Variants in MYO16 observed in about 807,000 individuals in gnomAD.
The protein encoded by MYO16 is unconventional myosin-XVI.
Under a neutral mutation model 205.3 loss-of-function variants are expected in MYO16, and 94 were observed. The observed-to-expected ratio is 0.46, with a 90% CI of 0.39 to 0.54. The LOEUF (loss-of-function observed/expected upper bound fraction) is 0.54, where lower values mean the gene tolerates loss of function less well. MYO16 is among the 20% of genes least tolerant of loss of function. The pLI is 0.00. For synonymous variants in MYO16, 988 were observed against 954.0 expected (o/e 1.04, Z -0.66); for missense variants, 2,315 against 2,387.5 (o/e 0.97, Z 0.63).
intron 20 of MYO16, among the ~76,000 whole-genome samples, chr13:108,990,615 T>G (rs1428543116): frequency 6.6e-6 from 1 of 152,206 alleles, no homozygotes; most frequent in Non-Finnish European, 1.5e-5. Context: ...GTTATAAAGC[T>G]ATTTTTATTC....
chr13:108,595,228 A>C (rs1255791274), upstream of MYO16, among the ~76,000 whole-genome samples: 1 of 152,188 alleles, frequency 6.6e-6, no homozygotes, highest in Admixed American at 6.5e-5. Context: ...GAAGCCTGGA[A>C]TATCCAGATT....
At chr13:108,643,256 A>G (rs1015311464) in intron 1 of MYO16, among the ~76,000 whole-genome samples, 1 of 152,178 alleles carries the variant, frequency 6.6e-6, no homozygotes, top group African/African-American at 2.4e-5. Flanking sequence ...GTTGTACAAT[A>G]TGTGATCTTC....
At position 108,925,967 on chromosome 13, in the gene MYO16, C is replaced by T. The variant is rs1881980589; in HGVS notation, c.1925+15817C>T. 2.6e-5 allele frequency among the ~76,000 whole-genome samples: 4 copies of T among 152,306 alleles called. No individual in the cohort carries two copies. In the South Asian group the frequency reaches 8.3e-4, roughly 32 times the overall value. On this transcript the variant is annotated intron_variant, in intron 16 of 34. Transcript: ENST00000457511. ...ACAGAATTCATCCTCCTCCCCTGGG[C>T]CCTTGCAGCCTCCCTTCCAGTCTCT... is the stretch of plus-strand genomic sequence containing the variant.
At chr13:108,798,704 T>TTTA (rs1886872180) in intron 6 of MYO16, among the ~76,000 whole-genome samples, 1 of 125,254 alleles carries the variant, frequency 8.0e-6, no homozygotes, top group Non-Finnish European at 1.7e-5. Context: ...TTTTTTTTTT[T>TTTA]TTTTTTTTTT....
chr13:108,616,227 G>A (rs964979579), intron 1 of MYO16, among the ~76,000 whole-genome samples: 1 of 152,186 alleles, frequency 6.6e-6, no homozygotes, highest in African/African-American at 2.4e-5. Context: ...AATATTTGAA[G>A]AGTAGCATTT....
intron 1 of MYO16, among the ~76,000 whole-genome samples, chr13:108,664,515 T>C (rs1192813570): frequency 6.6e-6 from 1 of 152,150 alleles, no homozygotes; most frequent in Non-Finnish European, 1.5e-5. Context: ...GAAGTGGAAA[T>C]AGTGTTGTCA....
At chr13:108,826,245 C>A (rs1293737504) in intron 9 of MYO16, among the ~76,000 whole-genome samples, 2 of 152,050 alleles carry the variant, frequency 1.3e-5, no homozygotes, top group African/African-American at 4.8e-5. Flanking sequence ...CAGAATAGAA[C>A]TGAGAATCCA....
At chr13:109,201,804 G>T (rs888445205) in intron 34 of MYO16, among the ~76,000 whole-genome samples, 10 of 151,978 alleles carry the variant, frequency 6.6e-5, no homozygotes, top group African/African-American at 2.4e-4. Flanking sequence ...TTATGCCTTT[G>T]CATCCTCATA....
At chr13:108,913,185 A>G (rs1158395830) in intron 16 of MYO16, among the ~76,000 whole-genome samples, 2 of 152,192 alleles carry the variant, frequency 1.3e-5, no homozygotes, top group Non-Finnish European at 2.9e-5. Flanking sequence ...ATTGAAATGT[A>G]TCATAAGTAT....
At chr13:108,674,578 C>T (rs971157684) in intron 2 of MYO16, among the ~76,000 whole-genome samples, 1 of 152,266 alleles carries the variant, frequency 6.6e-6, no homozygotes, top group South Asian at 2.1e-4. Context: ...GCTCTATAAG[C>T]GGATTTAAGC....
chr13:108,844,561 C>A, intron 10 of MYO16, 68 bp downstream of exon 10: 3 of 1,431,070 alleles, frequency 2.1e-6, no homozygotes, highest in South Asian at 1.6e-5. Flanking sequence ...TAAAATCCAA[C>A]ATATTTCAAA....
At chr13:108,851,569 A>C (rs1267510170) in intron 10 of MYO16, among the ~76,000 whole-genome samples, 1 of 152,182 alleles carries the variant, frequency 6.6e-6, no homozygotes, top group African/African-American at 2.4e-5. Context: ...CGTAAAAATT[A>C]TCCATCTCTA....
chr13:108,596,139 G>A (rs767976651), upstream of MYO16: 2 of 152,082 alleles, frequency 1.3e-5, no homozygotes, highest in Admixed American at 6.6e-5. Flanking sequence ...CAGACTCTGA[G>A]CGTGGACCAG....
chr13:108,524,253 TTGCGCCAC>T, the MYO16 span, among the ~76,000 whole-genome samples: 1 of 151,716 alleles, frequency 6.6e-6, no homozygotes, highest in Non-Finnish European at 1.5e-5. Flanking sequence ...TGAGCCGAGA[TTGCGCCAC>T]TGCACTCCAC....
chr13:109,164,253 G>A (rs949177019), intron 32 of MYO16, among the ~76,000 whole-genome samples: 5 of 152,198 alleles, frequency 3.3e-5, no homozygotes. Context: ...CCAAATAGAA[G>A]CATTTGCTGT....
chr13:108,499,836 A>G, the MYO16 span, among the ~76,000 whole-genome samples: 27 of 152,244 alleles, frequency 1.8e-4, no homozygotes, highest in South Asian at 5.0e-3. Flanking sequence ...AATTTCTGTG[A>G]TGTGCTTATT....
At position 109,140,677 on chromosome 13, in the gene MYO16, G is replaced by A. The variant is rs773396664; in HGVS notation, c.4465G>A (p.Glu1489Lys). The A allele has an allele frequency of 2.7e-6, 4 of 1,483,486 alleles. No homozygotes were observed. The highest frequency in any genetic ancestry group is 2.7e-6 in the Non-Finnish European group (3 of 1,120,776). 91.9% of individuals were successfully genotyped at this position (1,483,486 alleles called of 1,614,324 possible). ...CCTGCTCCACCGCGCGCCGGAGGAC[G>A]AGGCGGCGGGGCCCCCAGGGGACGC... ...PPLLHRAPED[E>K]AAGPPGDACD... is the part of the protein sequence containing the mutation. Residue 1489 changes from glutamate to lysine, a missense_variant, in exon 32 of 35, where the codon GAG becomes AAG. Physicochemically the swap from Glu to Lys is moderately conservative, Grantham distance 56. Coordinates refer to ENST00000457511, the MANE Select transcript of MYO16 (RefSeq NM_001198950.3). This position sits in a 1 kb window ranked among gnomAD's most constrained non-coding sequence, Gnocchi z 8.0.
intron 16 of MYO16, among the ~76,000 whole-genome samples, chr13:108,939,357 C>T (rs1328446696): frequency 6.6e-6 from 1 of 152,202 alleles, no homozygotes; most frequent in Non-Finnish European, 1.5e-5. Flanking sequence ...AGGGGAGTCA[C>T]AGAGGGATAT....
intron 4 of MYO16, among the ~76,000 whole-genome samples, chr13:108,731,992 G>T (rs1192284674): frequency 6.6e-6 from 1 of 152,182 alleles, no homozygotes; most frequent in African/African-American, 2.4e-5. Context: ...GTTATAGCCA[G>T]CCTAAGTATC....
Sources: allele counts gnomAD v4.1 joint callset (sites outside exome capture counted in the v4.1 genomes callset), GRCh38; gene constraint gnomAD v4.1.1; non-coding constraint Gnocchi (gnomAD v3.1); transcripts MANE v1.5; gene names NCBI Gene and HGNC (gene_info 2026-07-23, HGNC 2026-07-21).